TACC2: variants seen among roughly 807,000 people sequenced by gnomAD.
TACC2 encodes transforming acidic coiled-coil-containing protein 2.
A neutral mutation model predicts 227.3 loss-of-function variants in TACC2; 137 were observed. That is an observed-to-expected ratio of 0.60 (90% CI 0.52 to 0.69). TACC2 has a LOEUF of 0.69. Ranked by LOEUF, TACC2 falls within the 30% of genes least tolerant of loss-of-function variation. The probability of loss-of-function intolerance (pLI) is 0.00; values close to 1 mark genes in which losing one functional copy is unlikely to be tolerated. For synonymous variants in TACC2, 1,523 were observed against 1,487.5 expected, an observed-to-expected ratio of 1.02 and a Z score of -0.55; for missense variants, 3,470 against 3,694.4, an observed-to-expected ratio of 0.94 and a Z score of 1.57.
chr10:122,012,573 A>C (rs1217309866), intron 1 of TACC2, among the ~76,000 whole-genome samples: 1 of 152,142 alleles, frequency 6.6e-6, no homozygotes, highest in Non-Finnish European at 1.5e-5. Flanking sequence ...AGTTATTTTA[A>C]TAGAATTCAA....
rs371946344 is a variant in TACC2, at chr10:122,057,568, C to T, written c.146+7018C>T. Among the ~76,000 whole-genome samples, 7 of 152,034 alleles carry T rather than the reference C, an allele frequency of 4.6e-5. No homozygotes were observed. The East Asian group carries it at 9.6e-4, about 21-fold the overall frequency. ...CTCTAATCCCAGCACTTTGGGAGGC[C>T]GAGGCGGGCAGATCACCTGAGGTCG... On this transcript the variant is annotated intron_variant, in intron 3 of 22. Coordinates refer to ENST00000369005, the MANE Select transcript of TACC2 (RefSeq NM_206862.4).
chr10:122,213,388 T>G (rs919361513), intron 9 of TACC2: 1 of 1,612,184 alleles, frequency 6.2e-7, no homozygotes, highest in South Asian at 1.1e-5. Context: ...GTAAGTAAAT[T>G]TAATGCAATC....
At chr10:122,250,456 C>A (rs753862421) in intron 22 of TACC2, among the ~76,000 whole-genome samples, 1 of 152,212 alleles carries the variant, frequency 6.6e-6, no homozygotes, top group African/African-American at 2.4e-5. Flanking sequence ...AGTGATGGGG[C>A]ATCCTTTGTT....
At chr10:122,082,610 C>A in intron 3 of TACC2, 37 bp from the exon 4 acceptor site, 1 of 1,569,060 alleles carries the variant, frequency 6.4e-7, no homozygotes, top group South Asian at 1.2e-5. Flanking sequence ...CTGTCCTTGG[C>A]ATCCATGATA....
chr10:122,093,987 A>T (rs1336773862), intron 5 of TACC2, among the ~76,000 whole-genome samples: 2 of 152,144 alleles, frequency 1.3e-5, no homozygotes, highest in East Asian at 1.9e-4. Context: ...CACGTCTCTG[A>T]GCCTGTTTCT....
In TACC2 at chr10:122,248,627, T is replaced by C. The variant is rs775290432; in HGVS notation, c.8393-16T>C. On this transcript the variant is annotated splice_polypyrimidine_tract_variant and intron_variant, in intron 19 of 22. Coordinates refer to ENST00000369005, the MANE Select transcript of TACC2 (RefSeq NM_206862.4). ...TTTCTGGGCTCCATCATTTGGCTCC[T>C]GGTCTCTCCTGCCAGAGGACGAACA... is the stretch of plus-strand genomic sequence containing the variant. 1.9e-6 allele frequency: 3 copies of C among 1,612,354 alleles called. No individual in the cohort carries two copies. In the Admixed American group the frequency reaches 5.0e-5, roughly 27 times the overall value.
chr10:122,163,797 G>A (rs978156372), intron 7 of TACC2: 1 of 1,241,022 alleles, frequency 8.1e-7, no homozygotes, highest in East Asian at 3.2e-5. Flanking sequence ...ACGGATGCCC[G>A]CAGCTGCTCC....
chr10:122,204,549 A>G (rs1371755051), intron 8 of TACC2, among the ~76,000 whole-genome samples: 1 of 152,172 alleles, frequency 6.6e-6, no homozygotes, highest in African/African-American at 2.4e-5. Context: ...AGAGAGGGAC[A>G]TGTGGGCCGG....
At chr10:122,099,619 G>T (rs1181193686) in intron 5 of TACC2, among the ~76,000 whole-genome samples, 2 of 152,188 alleles carry the variant, frequency 1.3e-5, no homozygotes, top group Non-Finnish European at 2.9e-5. Flanking sequence ...GCAAGCACTG[G>T]CCCAACTGGC....
At chr10:122,243,444 A>G (rs567735117) in intron 19 of TACC2, among the ~76,000 whole-genome samples, 1 of 152,338 alleles carries the variant, frequency 6.6e-6, no homozygotes, top group African/African-American at 2.4e-5. Context: ...GAAGAGGCCA[A>G]CAATTGAGTG....
chr10:122,119,271 G>C (rs4584512), intron 5 of TACC2, among the ~76,000 whole-genome samples: 85,291 of 151,656 alleles, frequency 0.56, 27,482 homozygotes, highest in Non-Finnish European at 0.71. Context: ...GAAGCTCAAA[G>C]AGGTTAATGA....
At chr10:122,122,196 A>T in intron 5 of TACC2, among the ~76,000 whole-genome samples, 1 of 152,132 alleles carries the variant, frequency 6.6e-6, no homozygotes, top group Non-Finnish European at 1.5e-5. Context: ...TCTACTAAAA[A>T]TACAAAAAAT....
At chr10:122,152,581 A>C (rs2092150099) in intron 7 of TACC2, among the ~76,000 whole-genome samples, 1 of 152,180 alleles carries the variant, frequency 6.6e-6, no homozygotes, top group African/African-American at 2.4e-5. Context: ...GACACGGCTG[A>C]CTTGATGACA....
rs2080090062 is a variant in TACC2 at position 122,086,301 on chromosome 10, C to G, written c.3801C>G (p.Ser1267Arg). ...CAGACCCCAGAGCTCCTGGCGAAAGCCCCTGTCCTGTAGGGGAGCCCCCAC... is the reference window on the plus strand; with the variant it reads ...CAGACCCCAGAGCTCCTGGCGAAAGGCCCTGTCCTGTAGGGGAGCCCCCAC... ...SSADPRAPGE[S>R]PCPVGEPPLA... Residue 1267 changes from serine (S) to arginine (R), a missense_variant, in exon 4 of 23, where the codon AGC (serine) becomes AGG (arginine). Physicochemically the swap from Ser to Arg is moderately radical, Grantham distance 110 (BLOSUM62 -1). This residue lies in a region of TACC2 where 1,924 missense variants were observed against 1,978.3 expected (regional missense o/e 0.97). Transcript: ENST00000369005. The G allele has an allele frequency of 8.1e-6, 13 of 1,613,828 alleles. No individual in the cohort carries two copies. The highest frequency in any genetic ancestry group is 9.3e-6 in the Non-Finnish European group (11 of 1,180,040).
intron 7 of TACC2, among the ~76,000 whole-genome samples, chr10:122,161,605 C>A (rs1431967601): frequency 6.6e-6 from 1 of 152,222 alleles, no homozygotes; most frequent in Non-Finnish European, 1.5e-5. Flanking sequence ...CATTTCAAAC[C>A]CTATCTTGTT....
chr10:122,087,367 G>T lies in TACC2; in HGVS notation c.4867G>T (p.Val1623Phe), dbSNP rs777266081. ...TCCCGGGGACTTTGCTCACACAGGG[G>T]TTCCAGGACATGTGCCAAGGTCCAC... ...DGPGDFAHTGVPGHVPRSTCA... is the reference protein window; with the variant it reads ...DGPGDFAHTGFPGHVPRSTCA... Residue 1623 changes from valine (V) to phenylalanine (F), a missense_variant, in exon 4 of 23, where the codon GTT (valine) becomes TTT (phenylalanine). By Grantham distance (50) the Val-to-Phe change is conservative. This residue lies in a region of TACC2 where 1,924 missense variants were observed against 1,978.3 expected (regional missense o/e 0.97). Transcript: ENST00000369005. The T allele has an allele frequency of 8.7e-6, 14 of 1,613,914 alleles. No homozygotes were observed. Among genetic ancestry groups the T allele is most frequent in the Non-Finnish European group, 1.1e-5 (13 of 1,180,044 alleles).
At chr10:122,230,815 A>G (rs1255743548) in intron 16 of TACC2, among the ~76,000 whole-genome samples, 1 of 152,118 alleles carries the variant, frequency 6.6e-6, no homozygotes, top group African/African-American at 2.4e-5. Flanking sequence ...TTCTACAGAT[A>G]CCATTTGCTT....
Position 122,201,342 on chromosome 10 carries a change from A to ACGGC in TACC2, c.5971+6167_5971+6168insGGCC, listed in dbSNP as rs1250240792. Among the ~76,000 whole-genome samples, 35 of 145,504 alleles carry ACGGC rather than the reference A, an allele frequency of 2.4e-4. 1 individual carries two copies. The highest frequency in any genetic ancestry group is 3.8e-3 in the Middle Eastern group (1 of 264). On this transcript the variant is annotated intron_variant, in intron 8 of 22. Coordinates refer to ENST00000369005, the MANE Select transcript of TACC2 (RefSeq NM_206862.4). ...CAGTGGCTGCGTTCACATGGGGAAGACAGCCACCTCACCTGCCCACAGTGG... is the reference window on the plus strand; with the variant it reads ...CAGTGGCTGCGTTCACATGGGGAAGACGGCCAGCCACCTCACCTGCCCACAGTGG...
chr10:122,112,696 C>T (rs958205833), intron 5 of TACC2, among the ~76,000 whole-genome samples: 2 of 152,230 alleles, frequency 1.3e-5, no homozygotes, highest in African/African-American at 4.8e-5. Flanking sequence ...CCGGCGTTGC[C>T]ATGCGTAGTG....
Sources: gnomAD v4.1 joint callset for allele counts (sites outside exome capture counted in the v4.1 genomes callset) on GRCh38, gnomAD v4.1.1 for gene constraint, gnomAD v4.1.1 regional missense constraint, MANE v1.5 for transcripts, NCBI Gene and HGNC (gene_info 2026-07-23, HGNC 2026-07-21) for gene names.